The following SLC27A1 variants were observed in gnomAD, a reference collection of about 807,000 sequenced individuals.
SLC27A1 encodes the protein solute carrier family 27 member 1.
In SLC27A1, 61 loss-of-function variants were observed where a neutral mutation model predicts 62.2. That is an observed-to-expected ratio of 0.98 (90% CI 0.80 to 1.21). SLC27A1 has a LOEUF of 1.21. Among genes scored for constraint, SLC27A1 ranks in the 50% most tolerant of loss-of-function variants. The pLI is 0.00. For missense variants in SLC27A1, 903 were observed against 932.1 expected, an observed-to-expected ratio of 0.97 and a Z score of 0.41; for synonymous variants, 435 against 408.6, an observed-to-expected ratio of 1.06 and a Z score of -0.78.
Position 17,486,396 on chromosome 19 carries a change from T to C in SLC27A1, c.168-167T>C, listed in dbSNP as rs985084743. The stretch of plus-strand genomic sequence containing the variant: ...ACCTTCTTCCTGGCTGGTTGGTAAA[T>C]GGCCCTTGCCCTTGGTCCACTGAGA... On this transcript the variant is annotated intron_variant, in intron 1 of 11. Transcript: ENST00000252595. The surrounding 1 kb of genome is among the most constrained non-coding windows in gnomAD (Gnocchi z 6.6). Among the ~76,000 whole-genome samples the C allele has an allele frequency of 6.6e-6, 1 of 152,206 alleles. No individual in the cohort carries two copies. Among genetic ancestry groups the C allele is most frequent in the African/African-American group, 2.4e-5 (1 of 41,452 alleles).
In SLC27A1 at chr19:17,504,430, T is replaced by C. The variant is rs758882270; in HGVS notation, c.1784-25T>C. 1.1e-5 allele frequency: 17 copies of C among 1,613,806 alleles called. No individual in the cohort carries two copies. In the East Asian group the frequency reaches 3.6e-4, roughly 34 times the overall value. On this transcript the variant is annotated intron_variant, in intron 11 of 11. Coordinates refer to ENST00000252595, the MANE Select transcript of SLC27A1 (RefSeq NM_198580.3). ...TCCCAGAAGCCACCTGCTCAGCCCTTATCTGCCCCCCATCCCCACTATAGG... is the reference window on the plus strand; with the variant it reads ...TCCCAGAAGCCACCTGCTCAGCCCTCATCTGCCCCCCATCCCCACTATAGG...
upstream of SLC27A1, among the ~76,000 whole-genome samples, chr19:17,469,465 G>A (rs538039399): frequency 6.6e-6 from 1 of 152,198 alleles, no homozygotes; most frequent in Non-Finnish European, 1.5e-5. Flanking sequence ...TAGGGCTCGG[G>A]TCCTGATATC....
At chr19:17,488,783 C>T in intron 4 of SLC27A1, 65 bp from the exon 5 acceptor site, 1 of 1,453,792 alleles carries the variant, frequency 6.9e-7, no homozygotes, top group Non-Finnish European at 9.5e-7. Context: ...CATGCTTCCC[C>T]ATGCCTGTAC....
Position 17,487,534 on chromosome 19 carries a change from G to A in SLC27A1, c.794+5G>A. On this transcript the variant is annotated splice_donor_5th_base_variant and intron_variant, in intron 4 of 11. Coordinates refer to ENST00000252595, the MANE Select transcript of SLC27A1 (RefSeq NM_198580.3). Reference sequence around the variant, plus strand: ...TGCCATTGTCGTGCACAGCAGGTGAGGGGCCCACAGGCATAATGCCCTCAG... The same window carrying A: ...TGCCATTGTCGTGCACAGCAGGTGAAGGGCCCACAGGCATAATGCCCTCAG... 1 of 1,610,790 alleles carries A rather than the reference G, an allele frequency of 6.2e-7. No homozygotes were observed.
chr19:17,501,377 C>T lies in SLC27A1; in HGVS notation c.1741C>T (p.Arg581Trp), dbSNP rs368454326. The change falls in exon 11 of 12, where the codon CGG becomes TGG. Residue 581 changes from arginine to tryptophan, a missense_variant. By Grantham distance (101) the Arg-to-Trp change is moderately radical. Transcript: ENST00000252595. ...GCAGAAGGTGCTGGCACCCTATGCCCGGCCCATCTTCCTGCGCCTCCTGCC... is the reference window on the plus strand; with the variant it reads ...GCAGAAGGTGCTGGCACCCTATGCCTGGCCCATCTTCCTGCGCCTCCTGCC... ...ELQKVLAPYA[R>W]PIFLRLLPQV... is the part of the protein sequence containing the mutation. 117 of 1,613,796 alleles carry T rather than the reference C, an allele frequency of 7.2e-5. No homozygotes were observed. The highest frequency in any genetic ancestry group is 3.9e-4 in the African/African-American group (29 of 75,026).
upstream of SLC27A1, among the ~76,000 whole-genome samples, chr19:17,470,189 T>C (rs1473787397): frequency 1.3e-5 from 2 of 150,682 alleles, no homozygotes; most frequent in African/African-American, 2.4e-5. Context: ...GGGACTGTTG[T>C]AAGATTGGCA....
chr19:17,475,848 C>T (rs1435244999), intron 1 of SLC27A1, among the ~76,000 whole-genome samples: 10 of 152,316 alleles, frequency 6.6e-5, no homozygotes, highest in African/African-American at 2.4e-4. Context: ...GGCTCATTGT[C>T]CCCAGGCTGG....
At chr19:17,479,060 G>A (rs145224750) in intron 1 of SLC27A1, among the ~76,000 whole-genome samples, 6 of 152,100 alleles carry the variant, frequency 3.9e-5, no homozygotes, top group South Asian at 2.1e-4. Flanking sequence ...TGGTGCCACC[G>A]CACTCCAGAC....
intron 6 of SLC27A1, among the ~76,000 whole-genome samples, chr19:17,494,020 C>CT (rs35491603): frequency 0.26 from 34,927 of 135,724 alleles, 4,509 homozygotes; most frequent in African/African-American, 0.31. Flanking sequence ...GTAGCTGTTT[C>CT]TTTTTTTTTT....
chr19:17,501,125 C>T lies in SLC27A1; in HGVS notation c.1637-148C>T, dbSNP rs1010043794. The T allele has an allele frequency of 3.0e-5, 38 of 1,278,782 alleles. No homozygotes were observed. The African/African-American group carries it at 5.1e-4, about 17-fold the overall frequency. 79.2% of individuals were successfully genotyped at this position (1,278,782 alleles called of 1,614,324 possible). ...TTCAATGAGCCAAGCAGGAGCTCCACAAAATGTGTGGCTGCTTCCATAAAT... is the reference window on the plus strand; with the variant it reads ...TTCAATGAGCCAAGCAGGAGCTCCATAAAATGTGTGGCTGCTTCCATAAAT... On this transcript the variant is annotated intron_variant, in intron 10 of 11. Coordinates refer to ENST00000252595, the MANE Select transcript of SLC27A1 (RefSeq NM_198580.3).
intron 7 of SLC27A1, 93 bp from the exon 8 acceptor site, chr19:17,500,185 T>C (rs2075393804): frequency 1.3e-6 from 2 of 1,534,760 alleles, no homozygotes; most frequent in Admixed American, 2.0e-5. Flanking sequence ...CTGGAGGTGC[T>C]AGGTCCAAGC....
intron 1 of SLC27A1, among the ~76,000 whole-genome samples, chr19:17,475,128 T>C (rs1184361553): frequency 1.3e-5 from 2 of 152,184 alleles, no homozygotes; most frequent in Non-Finnish European, 2.9e-5. Flanking sequence ...TTGGCCAGGC[T>C]GGTCTCAAGG....
At chr19:17,500,429 C>A in intron 8 of SLC27A1, 25 bp downstream of exon 8, 1 of 1,613,072 alleles carries the variant, frequency 6.2e-7, no homozygotes, top group Non-Finnish European at 8.5e-7. Context: ...CGCATGGTCC[C>A]CACCCGGAGC....
chr19:17,489,244 C>G, intron 6 of SLC27A1, 127 bp downstream of exon 6: 4 of 751,616 alleles, frequency 5.3e-6, no homozygotes, highest in Non-Finnish European at 8.8e-6. Flanking sequence ...TCCTCCTGGT[C>G]AGGTCCCGTC....
chr19:17,476,970 C>T (rs1258181346), intron 1 of SLC27A1, among the ~76,000 whole-genome samples: 1 of 146,640 alleles, frequency 6.8e-6, no homozygotes, highest in Admixed American at 7.2e-5. Context: ...CTCACTGCAA[C>T]CTTCACCTCC....
intron 1 of SLC27A1, among the ~76,000 whole-genome samples, chr19:17,480,758 T>C (rs2075169496): frequency 6.6e-6 from 1 of 152,050 alleles, no homozygotes; most frequent in Non-Finnish European, 1.5e-5. Flanking sequence ...GATGCTGAGG[T>C]TTGGGCTTGT....
rs1191899897 is a variant in SLC27A1, at chr19:17,501,256, T to G, written c.1637-17T>G. 2.7e-5 allele frequency: 44 copies of G among 1,611,514 alleles called. No homozygotes were observed. Among genetic ancestry groups the G allele is most frequent in the Non-Finnish European group, 3.5e-5 (41 of 1,179,422 alleles). On this transcript the variant is annotated splice_polypyrimidine_tract_variant and intron_variant, in intron 10 of 11. Coordinates refer to ENST00000252595, the MANE Select transcript of SLC27A1 (RefSeq NM_198580.3). The stretch of plus-strand genomic sequence containing the variant: ...GGATGAGAGGCGGGGTGTCCTCAGC[T>G]GAGCCTCTGCCTCCAGGAGTGGAGG...
chr19:17,482,188 C>T (rs112686253), intron 1 of SLC27A1, among the ~76,000 whole-genome samples: 25 of 152,280 alleles, frequency 1.6e-4, no homozygotes, highest in South Asian at 4.1e-4. Context: ...ACCAAGGACA[C>T]GGTGGTAAAT....
At chr19:17,501,025 G>A in intron 10 of SLC27A1, 149 bp downstream of exon 10, 1 of 1,089,616 alleles carries the variant, frequency 9.2e-7, no homozygotes, top group South Asian at 1.7e-5. Flanking sequence ...TCTGGAGCCA[G>A]TTCACCTGGG....
Sources: gnomAD v4.1 joint callset for allele counts (sites outside exome capture counted in the v4.1 genomes callset) on GRCh38, gnomAD v4.1.1 for gene constraint, Gnocchi (gnomAD v3.1) non-coding constraint, MANE v1.5 for transcripts, NCBI Gene and HGNC (gene_info 2026-07-23, HGNC 2026-07-21) for gene names.